Variants in CMTM8 observed in about 807,000 individuals in gnomAD.
CMTM8 encodes the protein CKLF like MARVEL transmembrane domain containing 8.
Under a neutral mutation model 18.6 loss-of-function variants are expected in CMTM8, and 12 were observed. That is an observed-to-expected ratio of 0.65 (90% CI 0.41 to 1.05). The LOEUF (loss-of-function observed/expected upper bound fraction) is 1.05, where lower values mean the gene tolerates loss of function less well. Ranked by LOEUF, CMTM8 falls within the 50% of genes least tolerant of loss-of-function variation. CMTM8 has a pLI of 0.00. For missense variants in CMTM8, 217 were observed against 227.2 expected, an observed-to-expected ratio of 0.95 and a Z score of 0.29; for synonymous variants, 87 against 90.6, an observed-to-expected ratio of 0.96 and a Z score of 0.23.
intron 1 of CMTM8, among the ~76,000 whole-genome samples, chr3:32,311,511 C>T (rs1407590554): frequency 2.0e-5 from 3 of 152,196 alleles, no homozygotes; most frequent in African/African-American, 4.8e-5. Flanking sequence ...TCTCCCGACT[C>T]GTTTTTCACC....
intron 1 of CMTM8, among the ~76,000 whole-genome samples, chr3:32,278,720 T>A (rs1300726457): frequency 6.6e-6 from 1 of 152,200 alleles, no homozygotes; most frequent in African/African-American, 2.4e-5. Flanking sequence ...CAATTTTACA[T>A]AATACCTTTT....
chr3:32,356,875 G>C (rs950134447), intron 1 of CMTM8, among the ~76,000 whole-genome samples: 1 of 152,158 alleles, frequency 6.6e-6, no homozygotes, highest in Non-Finnish European at 1.5e-5. Flanking sequence ...TTGAGTTTCT[G>C]TGTTCTCCTG....
intron 1 of CMTM8, among the ~76,000 whole-genome samples, chr3:32,319,074 A>ATATATATATATATAT: frequency 3.2e-5 from 1 of 31,530 alleles, no homozygotes; most frequent in Non-Finnish European, 5.1e-5. Context: ...ATATATATAT[A>ATATATATATATATAT]TTTTTTTTTT....
chr3:32,335,781 A>C (rs1265717789), intron 1 of CMTM8, among the ~76,000 whole-genome samples: 1 of 152,204 alleles, frequency 6.6e-6, no homozygotes, highest in African/African-American at 2.4e-5. Context: ...ATGACAAAGG[A>C]ATATAGATTC....
At chr3:32,316,966 C>T (rs896469435) in intron 1 of CMTM8, among the ~76,000 whole-genome samples, 1 of 152,144 alleles carries the variant, frequency 6.6e-6, no homozygotes, top group Non-Finnish European at 1.5e-5. Context: ...GGAAATTGAA[C>T]CCTAGACTTA....
intron 1 of CMTM8, among the ~76,000 whole-genome samples, chr3:32,324,613 C>G (rs551045606): frequency 6.6e-6 from 1 of 152,164 alleles, no homozygotes; most frequent in Non-Finnish European, 1.5e-5. Context: ...GGAATTATTA[C>G]TGTTAAACTT....
At chr3:32,353,974 G>A (rs989558952) in intron 1 of CMTM8, among the ~76,000 whole-genome samples, 3 of 151,738 alleles carry the variant, frequency 2.0e-5, no homozygotes, top group East Asian at 3.9e-4. Context: ...TAGTAGAGAC[G>A]GGGTTTCACC....
At chr3:32,303,724 G>A (rs573283946) in intron 1 of CMTM8, among the ~76,000 whole-genome samples, 1 of 151,126 alleles carries the variant, frequency 6.6e-6, no homozygotes, top group Non-Finnish European at 1.5e-5. Context: ...ACTTACATTT[G>A]CCAGCTCACA....
intron 1 of CMTM8, among the ~76,000 whole-genome samples, chr3:32,319,389 A>G (rs1458955612): frequency 6.6e-6 from 1 of 151,580 alleles, no homozygotes; most frequent in African/African-American, 2.4e-5. Context: ...TTAAAATATA[A>G]ATTTTTGAGT....
intron 1 of CMTM8, among the ~76,000 whole-genome samples, chr3:32,275,987 C>G (rs1266740422): frequency 6.6e-6 from 1 of 152,110 alleles, no homozygotes; most frequent in African/African-American, 2.4e-5. Context: ...TTCTCTTGCC[C>G]TTTTCTGCCA....
chr3:32,256,345 C>T (rs986734252), intron 1 of CMTM8, among the ~76,000 whole-genome samples: 3 of 152,042 alleles, frequency 2.0e-5, no homozygotes, highest in South Asian at 4.2e-4. Flanking sequence ...GCTGGGATTA[C>T]AGGTGTGAGT....
At chr3:32,268,211 T>C (rs1030406036) in intron 1 of CMTM8, among the ~76,000 whole-genome samples, 9 of 152,166 alleles carry the variant, frequency 5.9e-5, no homozygotes, top group Non-Finnish European at 1.2e-4. Context: ...CCAACAATGA[T>C]AGACTGGATT....
chr3:32,361,286 G>GTTTTTTTTTTTGTTTTTTTTTT (rs58364646), intron 2 of CMTM8, among the ~76,000 whole-genome samples: 1 of 87,230 alleles, frequency 1.1e-5, no homozygotes, highest in African/African-American at 4.0e-5. Context: ...CAGCCTAAGA[G>GTTTTTTTTTTTGTTTTTTTTTT]TTTTTTTTTC....
chr3:32,334,421 A>G (rs942217402), intron 1 of CMTM8, among the ~76,000 whole-genome samples: 1 of 151,618 alleles, frequency 6.6e-6, no homozygotes, highest in Non-Finnish European at 1.5e-5. Flanking sequence ...CCTGGCTAAC[A>G]TGGTGAAACC....
chr3:32,331,451 C>T (rs1366723162), intron 1 of CMTM8, among the ~76,000 whole-genome samples: 1 of 151,180 alleles, frequency 6.6e-6, no homozygotes, highest in Non-Finnish European at 1.5e-5. Context: ...TATGACCCAA[C>T]AATCCCACTT....
intron 1 of CMTM8, among the ~76,000 whole-genome samples, chr3:32,266,660 A>G (rs1702351689): frequency 6.6e-6 from 1 of 152,188 alleles, no homozygotes; most frequent in Non-Finnish European, 1.5e-5. Flanking sequence ...GAGGAAGTCA[A>G]ATTGTCCCTG....
intron 1 of CMTM8, among the ~76,000 whole-genome samples, chr3:32,262,156 T>G (rs1702268374): frequency 6.6e-6 from 1 of 152,146 alleles, no homozygotes; most frequent in South Asian, 2.1e-4. Context: ...TGATATCACA[T>G]GGCTGCCCCC....
intron 1 of CMTM8, among the ~76,000 whole-genome samples, chr3:32,283,034 C>T (rs1187178361): frequency 6.6e-6 from 1 of 152,156 alleles, no homozygotes; most frequent in East Asian, 1.9e-4. Flanking sequence ...GATGCTTCCA[C>T]TAGAACATGA....
intron 1 of CMTM8, among the ~76,000 whole-genome samples, chr3:32,338,759 G>A (rs1395787160): frequency 1.3e-5 from 2 of 152,180 alleles, no homozygotes; most frequent in African/African-American, 2.4e-5. Flanking sequence ...GCCTAAAGCA[G>A]CAGAAGACAT....
Sources: gnomAD v4.1 joint callset for allele counts (sites outside exome capture counted in the v4.1 genomes callset) on GRCh38, gnomAD v4.1.1 for gene constraint, MANE v1.5 for transcripts, NCBI Gene and HGNC (gene_info 2026-07-23, HGNC 2026-07-21) for gene names.